The following XKR4 variants were observed in gnomAD, a reference collection of about 807,000 sequenced individuals.
XKR4 encodes the protein XK-related protein 4.
Under a neutral mutation model 53.9 loss-of-function variants are expected in XKR4, and 12 were observed. The observed-to-expected ratio is 0.22, with a 90% CI of 0.14 to 0.36. The LOEUF is 0.36. XKR4 is among the 10% of genes least tolerant of loss of function. The probability of loss-of-function intolerance (pLI) is 1.00; values close to 1 mark genes in which losing one functional copy is unlikely to be tolerated. For synonymous variants in XKR4, 354 were observed against 362.4 expected (o/e 0.98, Z 0.26); for missense variants, 799 against 859.5 (o/e 0.93, Z 0.88).
At chr8:55,352,417 A>C (rs889586822) in intron 1 of XKR4, among the ~76,000 whole-genome samples, 1 of 152,210 alleles carries the variant, frequency 6.6e-6, no homozygotes. Context: ...GTTAAAACTA[A>C]AAGTTTTAAA....
chr8:55,337,095 C>A (rs1384169394), intron 1 of XKR4, among the ~76,000 whole-genome samples: 1 of 152,130 alleles, frequency 6.6e-6, no homozygotes, highest in Non-Finnish European at 1.5e-5. Flanking sequence ...CCAGCCTTTA[C>A]CCAACAGTGG....
chr8:55,502,936 C>A (rs1315899636), intron 2 of XKR4, among the ~76,000 whole-genome samples: 2 of 152,058 alleles, frequency 1.3e-5, no homozygotes, highest in African/African-American at 4.8e-5. Context: ...TATGTTTTCC[C>A]AGACCATTTG....
chr8:55,391,200 T>C (rs1295687719), intron 2 of XKR4, among the ~76,000 whole-genome samples: 1 of 152,186 alleles, frequency 6.6e-6, no homozygotes, highest in Non-Finnish European at 1.5e-5. Flanking sequence ...CATGACCCCA[T>C]GGAGTCATAC....
intron 2 of XKR4, among the ~76,000 whole-genome samples, chr8:55,383,554 T>C (rs1435778713): frequency 6.6e-6 from 1 of 152,238 alleles, no homozygotes; most frequent in Non-Finnish European, 1.5e-5. Flanking sequence ...TTTGGAATTT[T>C]TAGGCAAATT....
chr8:55,288,836 CCA>C (rs1427003530), intron 1 of XKR4, among the ~76,000 whole-genome samples: 1 of 152,152 alleles, frequency 6.6e-6, no homozygotes, highest in African/African-American at 2.4e-5. Flanking sequence ...ATTCTTACCC[CCA>C]GTTTGAACCA....
intron 1 of XKR4, among the ~76,000 whole-genome samples, chr8:55,251,658 G>A (rs1463191204): frequency 6.6e-6 from 1 of 152,076 alleles, no homozygotes; most frequent in Non-Finnish European, 1.5e-5. Context: ...AACCATGAAG[G>A]AAGTTCATTT....
chr8:55,462,138 T>A lies in XKR4; in HGVS notation c.1007-61143T>A, dbSNP rs543331278. Among the ~76,000 whole-genome samples the A allele has an allele frequency of 9.2e-5, 14 of 152,140 alleles. No homozygotes were observed. The East Asian group carries it at 2.7e-3, about 29-fold the overall frequency. ...AATACAGAGAATGTCACAAAGATAC[T>A]CCTCGAGAAGAGCAACTCCAAGACA... On this transcript the variant is annotated intron_variant, in intron 2 of 2. Transcript: ENST00000327381.
At position 55,524,260 on chromosome 8, in the gene XKR4, G is replaced by T. The variant is rs367544968; in HGVS notation, c.*33G>T. ...GGAGTTGCAGGACCCACAACATCCA[G>T]ATGAAGGGGTGACAGCAGGGCTGTG... On this transcript the variant is annotated 3_prime_UTR_variant, in exon 3 of 3. Transcript: ENST00000327381. 100 of 1,582,254 alleles carry T rather than the reference G, an allele frequency of 6.3e-5. No individual in the cohort carries two copies. The highest frequency in any genetic ancestry group is 7.8e-5 in the Non-Finnish European group (91 of 1,160,808).
intron 2 of XKR4, among the ~76,000 whole-genome samples, chr8:55,369,402 GAGGGAAAGGAAGGGA>G (rs1213214328): frequency 2.8e-3 from 125 of 44,458 alleles, no homozygotes; most frequent in African/African-American, 0.011. Flanking sequence ...GAGGGGAGGG[GAGGGAAAGGAAGGGA>G]AGGGAAAGGA....
In XKR4 at chr8:55,102,655, C is replaced by G. The variant is rs557951243; in HGVS notation, c.167C>G (p.Pro56Arg). 5 of 1,279,848 alleles carry G rather than the reference C, an allele frequency of 3.9e-6. No individual in the cohort carries two copies. The highest frequency in any genetic ancestry group is 5.0e-6 in the Non-Finnish European group (5 of 1,003,526). The allele number at this position is 1,279,848 out of a possible 1,614,324, so 79.3% of individuals were successfully genotyped here. A position where few individuals can be genotyped will look rare whatever the true frequency, so the allele number is the denominator to read the frequency against. The change falls in exon 1 of 3, where the codon CCG (proline) becomes CGG (arginine). Residue 56 changes from proline to arginine, a missense_variant. Around this residue, in one of 3 missense-constraint regions of XKR4, gnomAD observed 476 missense variants for 505.4 expected, o/e 0.94. Coordinates refer to ENST00000327381, the MANE Select transcript of XKR4 (RefSeq NM_052898.2). The surrounding 1 kb of genome is among the most constrained non-coding windows in gnomAD (Gnocchi z 5.1). ...GAGGCGGCCGGGGGCGGCTGCTGCCCGGACGGCGGCGGCTGCTCGCGCTGC... is the reference window on the plus strand; with the variant it reads ...GAGGCGGCCGGGGGCGGCTGCTGCCGGGACGGCGGCGGCTGCTCGCGCTGC... ...DEEAAGGGCC[P>R]DGGGCSRCCC...
intron 1 of XKR4, among the ~76,000 whole-genome samples, chr8:55,297,254 G>T (rs1011903289): frequency 6.6e-6 from 1 of 152,174 alleles, no homozygotes; most frequent in Non-Finnish European, 1.5e-5. Context: ...AGAAACGTGA[G>T]ATTTGATGAA....
chr8:55,455,847 T>C (rs541719857), intron 2 of XKR4, among the ~76,000 whole-genome samples: 3 of 152,180 alleles, frequency 2.0e-5, no homozygotes, highest in Admixed American at 1.3e-4. Context: ...AGGAGCTTTA[T>C]GGGTTCAAGG....
chr8:55,440,711 G>A (rs1421035067), intron 2 of XKR4, among the ~76,000 whole-genome samples: 26 of 152,024 alleles, frequency 1.7e-4, no homozygotes, highest in Non-Finnish European at 4.4e-5. Flanking sequence ...ATATAGTAGA[G>A]ATAGATATAA....
chr8:55,136,431 T>G (rs1039239286), intron 1 of XKR4, among the ~76,000 whole-genome samples: 2 of 152,198 alleles, frequency 1.3e-5, no homozygotes, highest in African/African-American at 4.8e-5. Flanking sequence ...AAAGATCATA[T>G]CCTTTAATTT....
chr8:55,238,885 G>A (rs1002591828), intron 1 of XKR4, among the ~76,000 whole-genome samples: 2 of 152,118 alleles, frequency 1.3e-5, no homozygotes, highest in Non-Finnish European at 2.9e-5. Context: ...AATTTATCTA[G>A]GTTCATATAG....
At chr8:55,206,999 C>T (rs1817659840) in intron 1 of XKR4, among the ~76,000 whole-genome samples, 1 of 152,224 alleles carries the variant, frequency 6.6e-6, no homozygotes, top group African/African-American at 2.4e-5. Flanking sequence ...GAGAATCCAG[C>T]TGAGTCCTGT....
At chr8:55,115,022 C>T (rs1816286981) in intron 1 of XKR4, among the ~76,000 whole-genome samples, 1 of 152,174 alleles carries the variant, frequency 6.6e-6, no homozygotes, top group African/African-American at 2.4e-5. Context: ...GGGCTTGTTA[C>T]TGAAGGTGGA....
At chr8:55,134,143 C>A in intron 1 of XKR4, among the ~76,000 whole-genome samples, 1 of 152,102 alleles carries the variant, frequency 6.6e-6, no homozygotes, top group Non-Finnish European at 1.5e-5. Context: ...TTATATCTAC[C>A]ATATATTAAT....
rs1014351460 is a variant in XKR4, at chr8:55,526,306, C to T, written c.*2079C>T. 1 of 152,176 alleles carries T rather than the reference C, an allele frequency of 6.6e-6. No individual in the cohort carries two copies. The highest frequency in any genetic ancestry group is 2.4e-5 in the African/African-American group (1 of 41,436). The allele number at this position is 152,176 out of a possible 1,614,324, so 9.4% of individuals were successfully genotyped here. On this transcript the variant is annotated 3_prime_UTR_variant, in exon 3 of 3. Transcript: ENST00000327381. ...CCACAGGAAGTAACAGAGGGCTCAACCTAGGACTTCTTTTGGTACAAAGCC... is the reference window on the plus strand; with the variant it reads ...CCACAGGAAGTAACAGAGGGCTCAATCTAGGACTTCTTTTGGTACAAAGCC...
Sources: gnomAD v4.1 joint callset for allele counts (sites outside exome capture counted in the v4.1 genomes callset) on GRCh38, gnomAD v4.1.1 for gene constraint, gnomAD v4.1.1 regional missense constraint, Gnocchi (gnomAD v3.1) non-coding constraint, MANE v1.5 for transcripts, NCBI Gene and HGNC (gene_info 2026-07-23, HGNC 2026-07-21) for gene names.